DCLK1: variants seen among roughly 807,000 people sequenced by gnomAD.
DCLK1 encodes doublecortin like kinase 1.
DCLK1 carries 16 observed loss-of-function variants against 86.2 expected under a neutral mutation model. That is an observed-to-expected ratio of 0.19 (90% CI 0.13 to 0.28). The LOEUF is 0.28. Ranked by LOEUF, DCLK1 falls within the 10% of genes least tolerant of loss-of-function variation. DCLK1 has a pLI of 1.00. For synonymous variants in DCLK1, 369 were observed against 370.5 expected, an observed-to-expected ratio of 1.00 and a Z score of 0.05; for missense variants, 590 against 940.2, an observed-to-expected ratio of 0.63 and a Z score of 4.87.
intron 3 of DCLK1, among the ~76,000 whole-genome samples, chr13:36,042,946 C>T (rs574852579): frequency 6.6e-6 from 1 of 152,198 alleles, no homozygotes; most frequent in Non-Finnish European, 1.5e-5. Context: ...CTTTCTTCTA[C>T]ATAAGCATAT....
chr13:35,821,839 GGTGAGGAA>G (rs1157304826), intron 11 of DCLK1, among the ~76,000 whole-genome samples: 12 of 151,708 alleles, frequency 7.9e-5, no homozygotes, highest in African/African-American at 2.9e-4. Context: ...TTAATAACTG[GGTGAGGAA>G]GGACCCCCAT....
intron 4 of DCLK1, among the ~76,000 whole-genome samples, chr13:35,891,571 T>C (rs562991685): frequency 1.3e-5 from 2 of 152,348 alleles, no homozygotes; most frequent in East Asian, 3.9e-4. Flanking sequence ...TCTGCGAATG[T>C]ACTAAAAACC....
At chr13:36,052,543 A>G (rs1883163348) in intron 3 of DCLK1, among the ~76,000 whole-genome samples, 2 of 152,206 alleles carry the variant, frequency 1.3e-5, no homozygotes, top group South Asian at 4.1e-4. Context: ...ACTCTAGGAC[A>G]AACACTAGGA....
intron 3 of DCLK1, among the ~76,000 whole-genome samples, chr13:36,016,976 A>G (rs1257251779): frequency 1.3e-5 from 2 of 152,200 alleles, no homozygotes; most frequent in East Asian, 3.9e-4. Flanking sequence ...AACAACTCCA[A>G]ACAAAAACAT....
chr13:35,988,074 C>T (rs1310266230), intron 3 of DCLK1, among the ~76,000 whole-genome samples: 2 of 152,150 alleles, frequency 1.3e-5, no homozygotes, highest in East Asian at 1.9e-4. Context: ...CCTTATTTCC[C>T]TCTTTCCCCA....
At chr13:36,035,220 T>C (rs565707772) in intron 3 of DCLK1, among the ~76,000 whole-genome samples, 2 of 152,272 alleles carry the variant, frequency 1.3e-5, no homozygotes, top group East Asian at 3.9e-4. Context: ...TTTCTCTCTT[T>C]GCCTCTCCCT....
At chr13:36,108,844 G>GT (rs532512421) in intron 3 of DCLK1, among the ~76,000 whole-genome samples, 124 of 152,296 alleles carry the variant, frequency 8.1e-4, no homozygotes, top group Non-Finnish European at 1.4e-3. Flanking sequence ...GTGGCATCTT[G>GT]TTGGCAGCAT....
At chr13:35,929,060 G>T (rs1006132904) in intron 4 of DCLK1, among the ~76,000 whole-genome samples, 1 of 152,106 alleles carries the variant, frequency 6.6e-6, no homozygotes, top group African/African-American at 2.4e-5. Context: ...CTCCCAAGTA[G>T]CTGGGACTAC....
chr13:35,998,111 G>A (rs1880551501), intron 3 of DCLK1, among the ~76,000 whole-genome samples: 1 of 151,968 alleles, frequency 6.6e-6, no homozygotes, highest in Non-Finnish European at 1.5e-5. Flanking sequence ...CCCTTCAACT[G>A]CCCTAAAATT....
chr13:35,934,065 A>C (rs1876618326), intron 4 of DCLK1, among the ~76,000 whole-genome samples: 1 of 152,108 alleles, frequency 6.6e-6, no homozygotes, highest in African/African-American at 2.4e-5. Context: ...AAGCTCTGTA[A>C]ATCTCTAGGT....
At chr13:35,817,488 T>C (rs2087296463) in intron 11 of DCLK1, among the ~76,000 whole-genome samples, 1 of 152,204 alleles carries the variant, frequency 6.6e-6, no homozygotes, top group Admixed American at 6.5e-5. Context: ...AATTAGATTA[T>C]TAAAAAGTTT....
chr13:35,854,405 G>C lies in DCLK1; in HGVS notation c.1035+94C>G, dbSNP rs572898441. The C allele has an allele frequency of 4.1e-6, 4 of 969,646 alleles. No individual in the cohort carries two copies. In the Middle Eastern group the frequency reaches 7.8e-4, roughly 189 times the overall value. The allele number at this position is 969,646 out of a possible 1,614,324, so 60.1% of individuals were successfully genotyped here. A position where few individuals can be genotyped will look rare whatever the true frequency, so the allele number is the denominator to read the frequency against. On this transcript the variant is annotated intron_variant, in intron 6 of 16. Coordinates refer to ENST00000360631, the MANE Select transcript of DCLK1 (RefSeq NM_001330071.2). ...CACCTCCTGTTCTAGCTTAGATATC[G>C]CCTAGAGACGAGCAGCACGATTTGC...
chr13:36,098,430 C>T (rs1442376199), intron 3 of DCLK1, among the ~76,000 whole-genome samples: 7 of 152,216 alleles, frequency 4.6e-5, no homozygotes, highest in African/African-American at 1.4e-4. Flanking sequence ...ATAGGACAAA[C>T]GAAAAGTCAC....
At chr13:36,019,629 TTAAC>T (rs1021615978) in intron 3 of DCLK1, among the ~76,000 whole-genome samples, 1 of 152,218 alleles carries the variant, frequency 6.6e-6, no homozygotes, top group Non-Finnish European at 1.5e-5. Flanking sequence ...CATCATCACA[TTAAC>T]TATGTTTCAT....
At chr13:35,849,249 T>C (rs1000095413) in intron 6 of DCLK1, 1 of 985,352 alleles carries the variant, frequency 1.0e-6, no homozygotes, top group Non-Finnish European at 1.2e-6. Context: ...AATTTGCTAG[T>C]TGAACAATTT....
chr13:35,905,477 AAGGTCAAAGCCCATG>A (rs1874637812), intron 4 of DCLK1, among the ~76,000 whole-genome samples: 1 of 152,208 alleles, frequency 6.6e-6, no homozygotes, highest in South Asian at 2.1e-4. Context: ...TCACTTCCAC[AAGGTCAAAGCCCATG>A]AGGTCAAAGC....
At position 35,799,263 on chromosome 13, in the gene DCLK1, T is replaced by C. The variant is rs551400762; in HGVS notation, c.1945-5784A>G. ...TGAGCCTCAGTTGTTTTTTTTTTGT[T>C]TTCTTGAGACAGAGTTTTGCTCTTG... On this transcript the variant is annotated intron_variant, in intron 15 of 16. Coordinates refer to ENST00000360631, the MANE Select transcript of DCLK1 (RefSeq NM_001330071.2). 2.9e-3 allele frequency among the ~76,000 whole-genome samples: 449 copies of C among 152,226 alleles called. 4 individuals are homozygous for C. Among genetic ancestry groups the C allele is most frequent in the African/African-American group, 0.01 (435 of 41,544 alleles).
chr13:36,101,109 G>A (rs531326994), intron 3 of DCLK1, among the ~76,000 whole-genome samples: 1 of 152,156 alleles, frequency 6.6e-6, no homozygotes, highest in Non-Finnish European at 1.5e-5. Flanking sequence ...CATTCCCACA[G>A]AAGACACCCG....
intron 4 of DCLK1, among the ~76,000 whole-genome samples, chr13:35,901,674 C>T (rs534618311): frequency 6.6e-6 from 1 of 151,942 alleles, no homozygotes; most frequent in South Asian, 2.1e-4. Context: ...TAGACCCTGG[C>T]CCAGCCTCCT....
Sources: gnomAD v4.1 joint callset for allele counts (sites outside exome capture counted in the v4.1 genomes callset) on GRCh38, gnomAD v4.1.1 for gene constraint, MANE v1.5 for transcripts, NCBI Gene and HGNC (gene_info 2026-07-23, HGNC 2026-07-21) for gene names.